The following HSPA12B variants were observed in gnomAD, a reference collection of about 807,000 sequenced individuals.
HSPA12B encodes heat shock protein family A (Hsp70) member 12B, also known as heat shock 70 kDa protein 12B.
HSPA12B carries 54 observed loss-of-function variants against 69.3 expected under a neutral mutation model. The ratio of observed to expected loss-of-function variants is 0.78; its 90% CI spans 0.63 to 0.98. HSPA12B has a LOEUF of 0.98. HSPA12B is among the 50% of genes least tolerant of loss of function. The pLI, the probability that HSPA12B is intolerant of heterozygous loss-of-function variation, is 0.00. For missense variants in HSPA12B, 929 were observed against 999.8 expected, an observed-to-expected ratio of 0.93 and a Z score of 0.96; for synonymous variants, 441 against 436.5, an observed-to-expected ratio of 1.01 and a Z score of -0.13.
Position 3,750,829 on chromosome 20 carries a change from C to G in HSPA12B, c.1327C>G (p.Gln443Glu). ...SSVNFVKWSS[Q>E]GMLRMSCEAM... ...CGTGAACTTCGTGAAGTGGTCCTCACAGGGGATGCTCCGAATGTCTTGTGA... is the reference window on the plus strand; with the variant it reads ...CGTGAACTTCGTGAAGTGGTCCTCAGAGGGGATGCTCCGAATGTCTTGTGA... Residue 443 changes from glutamine (Q) to glutamate (E), a missense_variant, in exon 12 of 13, where the codon CAG (glutamine) becomes GAG (glutamate). Coordinates refer to ENST00000254963, the MANE Select transcript of HSPA12B (RefSeq NM_052970.5). The G allele has an allele frequency of 1.9e-6, 3 of 1,613,982 alleles. No individual in the cohort carries two copies. The highest frequency in any genetic ancestry group is 2.5e-6 in the Non-Finnish European group (3 of 1,180,040).
chr20:3,746,106 A>C (rs1032309459), intron 7 of HSPA12B, 75 bp downstream of exon 7: 13 of 1,044,784 alleles, frequency 1.2e-5, no homozygotes, highest in Non-Finnish European at 1.9e-5. Context: ...CATGCACCCC[A>C]CCACCCTTGA....
chr20:3,746,130 T>C (rs535392723), intron 7 of HSPA12B, 99 bp downstream of exon 7: 4 of 838,790 alleles, frequency 4.8e-6, no homozygotes, highest in African/African-American at 1.7e-5. Flanking sequence ...CACAGAGTCA[T>C]TGTGGAAAGA....
At chr20:3,743,902 C>T (rs1260277364) in intron 4 of HSPA12B, among the ~76,000 whole-genome samples, 1 of 151,778 alleles carries the variant, frequency 6.6e-6, no homozygotes, top group Non-Finnish European at 1.5e-5. Flanking sequence ...AATAATAAAA[C>T]AAGAAATAAA....
rs775653524 is a variant in HSPA12B at position 3,740,807 on chromosome 20, C to A, written c.44-8C>A. On this transcript the variant is annotated splice_region_variant and splice_polypyrimidine_tract_variant and intron_variant, in intron 2 of 12. Transcript: ENST00000254963. This position sits in a 1 kb window ranked among gnomAD's most constrained non-coding sequence, Gnocchi z 4.9. ...GTGCCAGGATGAACTGCCGTCTCTT[C>A]TCTGCAGGCTCCAGCCCGGAGCGGT... The A allele has an allele frequency of 1.2e-6, 2 of 1,612,450 alleles. No individual in the cohort carries two copies. Among genetic ancestry groups the A allele is most frequent in the South Asian group, 2.2e-5 (2 of 90,822 alleles).
chr20:3,732,887 A>C (rs1382890031), intron 1 of HSPA12B, 93 bp downstream of exon 1: 1 of 151,456 alleles, frequency 6.6e-6, no homozygotes, highest in Non-Finnish European at 1.5e-5. Context: ...CCCACCAAAA[A>C]CCTCCAGACT....
chr20:3,745,368 CA>C lies in HSPA12B; in HGVS notation c.454-123del. 1.3e-6 allele frequency: 1 copy of C among 743,718 alleles called. No individual in the cohort carries two copies. Among genetic ancestry groups the C allele is most frequent in the Non-Finnish European group, 2.3e-6 (1 of 425,894 alleles). 46.1% of individuals were successfully genotyped at this position (743,718 alleles called of 1,614,324 possible). A position where few individuals can be genotyped will look rare whatever the true frequency, so the allele number is the denominator to read the frequency against. On this transcript the variant is annotated intron_variant, in intron 5 of 12. Transcript: ENST00000254963. This position sits in a 1 kb window ranked among gnomAD's most constrained non-coding sequence, Gnocchi z 5.6. ...GGGGCAGAGCTAATGTCACATGGGG[CA>C]AGAGTGGGACGGTGGTAAAGAGGAG...
At position 3,742,231 on chromosome 20, in the gene HSPA12B, G is replaced by A; in HGVS notation, c.142-53G>A. 3 of 1,600,440 alleles carry A rather than the reference G, an allele frequency of 1.9e-6. No homozygotes were observed. In the South Asian group the frequency reaches 3.3e-5, roughly 18 times the overall value. ...GCAGAGGAAGCATTGGGGCTGTGGGGGATGGGGGTGTCCCTGCTGGCTGCT... is the reference window on the plus strand; with the variant it reads ...GCAGAGGAAGCATTGGGGCTGTGGGAGATGGGGGTGTCCCTGCTGGCTGCT... On this transcript the variant is annotated intron_variant, in intron 3 of 12. Transcript: ENST00000254963.
At position 3,748,228 on chromosome 20, in the gene HSPA12B, G is replaced by A; in HGVS notation, c.687G>A (p.Val229=). The A allele has an allele frequency of 6.3e-7, 1 of 1,575,578 alleles. No homozygotes were observed. Among genetic ancestry groups the A allele is most frequent in the Non-Finnish European group, 8.6e-7 (1 of 1,158,280 alleles). Reference sequence around the variant, plus strand: ...CCACCCATCCCCAGGCTGGACTAGTGTCCCGAGAGAATGCAGAGCAGCTAC... The same window carrying A: ...CCACCCATCCCCAGGCTGGACTAGTATCCCGAGAGAATGCAGAGCAGCTAC... ...MREAAYLAGL[V]SRENAEQLLI... Residue 229 remains valine (V), a synonymous_variant, in exon 8 of 13, where the codon GTG becomes GTA. Coordinates refer to ENST00000254963, the MANE Select transcript of HSPA12B (RefSeq NM_052970.5).
At chr20:3,747,348 C>T (rs201496462) in intron 7 of HSPA12B, among the ~76,000 whole-genome samples, 9 of 152,282 alleles carry the variant, frequency 5.9e-5, no homozygotes, top group East Asian at 3.9e-4. Flanking sequence ...TAACCCTGAG[C>T]ACAGTGGACA....
At chr20:3,743,349 AT>A (rs1457079603) in intron 4 of HSPA12B, among the ~76,000 whole-genome samples, 3 of 103,026 alleles carry the variant, frequency 2.9e-5, no homozygotes, top group South Asian at 3.5e-4. Flanking sequence ...CACCTGGCTA[AT>A]TTAAAAAAAA....
rs776113401 is a variant in HSPA12B at position 3,751,599 on chromosome 20, G to A, written c.1494G>A (p.Ala498=). 6.6e-7 allele frequency: 1 copy of A among 1,521,864 alleles called. No homozygotes were observed. The highest frequency in any genetic ancestry group is 2.5e-5 in the East Asian group (1 of 40,674). The allele number at this position is 1,521,864 out of a possible 1,614,324, so 94.3% of individuals were successfully genotyped here. The part of the protein sequence containing the change: ...GFAESAVLQH[A]VQAALGARGL... ...CCGAGTCAGCGGTGCTGCAGCACGC[G>A]GTGCAGGCGGCGCTGGGCGCCCGCG... is the stretch of plus-strand genomic sequence containing the variant. Residue 498 remains alanine, a synonymous_variant, in exon 13 of 13, where the codon GCG becomes GCA. Transcript: ENST00000254963.
intron 11 of HSPA12B, 40 bp from the exon 12 acceptor site, chr20:3,750,764 G>A (rs373087017): frequency 6.2e-7 from 1 of 1,613,282 alleles, no homozygotes; most frequent in Admixed American, 1.7e-5. Flanking sequence ...AAGCAGCTGG[G>A]CCCTGACCGA....
Position 3,750,903 on chromosome 20 carries a change from C to T in HSPA12B, c.1401C>T (p.His467=), listed in dbSNP as rs2088407675. 3.1e-6 allele frequency: 5 copies of T among 1,613,840 alleles called. No individual in the cohort carries two copies. The highest frequency in any genetic ancestry group is 2.2e-5 in the East Asian group (1 of 44,884). ...FQPTVSGIIQ[H]IEALLARPEV... The stretch of plus-strand genomic sequence containing the variant: ...CCACCGTCAGCGGGATCATCCAGCA[C>T]ATAGGTGAGCACCTGAGCTTGGTCC... The change falls in exon 12 of 13, where the codon CAC becomes CAT. Residue 467 remains histidine, a synonymous_variant. Coordinates refer to ENST00000254963, the MANE Select transcript of HSPA12B (RefSeq NM_052970.5).
intron 7 of HSPA12B, among the ~76,000 whole-genome samples, chr20:3,747,310 A>G (rs1254611796): frequency 6.6e-6 from 1 of 152,164 alleles, no homozygotes; most frequent in Non-Finnish European, 1.5e-5. Flanking sequence ...CAGGTCTGTA[A>G]ATGTCTACAC....
At chr20:3,734,900 G>A (rs1335176592) in intron 1 of HSPA12B, among the ~76,000 whole-genome samples, 12 of 151,816 alleles carry the variant, frequency 7.9e-5, no homozygotes, top group Admixed American at 7.9e-4. Context: ...CTACCACGCT[G>A]GGCTAATATT....
chr20:3,751,934 G>T lies in HSPA12B; in HGVS notation c.1829G>T (p.Cys610Phe). The change falls in exon 13 of 13, where the codon TGC (cysteine) becomes TTC (phenylalanine). Residue 610 changes from cysteine (C) to phenylalanine (F), a missense_variant. Physicochemically the swap from Cys to Phe is radical, Grantham distance 205. This residue lies in a region of HSPA12B where 448 missense variants were observed against 448.1 expected (regional missense o/e 1.00). Transcript: ENST00000254963. ...GQRRVLINLY[C>F]CAAEDARFIT... ...CGGCGCGTACTCATCAACCTGTACT[G>T]CTGCGCGGCAGAGGATGCGCGCTTC... is the stretch of plus-strand genomic sequence containing the variant. The T allele has an allele frequency of 6.3e-7, 1 of 1,587,934 alleles. No homozygotes were observed.
In HSPA12B at chr20:3,751,921, A is replaced by T; in HGVS notation, c.1816A>T (p.Ile606Phe). The T allele has an allele frequency of 1.9e-6, 3 of 1,586,226 alleles. No individual in the cohort carries two copies. Among genetic ancestry groups the T allele is most frequent in the Non-Finnish European group, 2.6e-6 (3 of 1,171,432 alleles). ...PARPGQRRVL[I>F]NLYCCAAEDA... ...GCGTCCCGGCCAGCGGCGCGTACTC[A>T]TCAACCTGTACTGCTGCGCGGCAGA... The change falls in exon 13 of 13, where the codon ATC becomes TTC. Residue 606 changes from isoleucine to phenylalanine, a missense_variant. Around this residue, in one of 3 missense-constraint regions of HSPA12B, gnomAD observed 448 missense variants for 448.1 expected, o/e 1.00. Transcript: ENST00000254963.
rs1487134844 is a variant in HSPA12B, at chr20:3,751,761, G to A, written c.1656G>A (p.Val552=). The change falls in exon 13 of 13, where the codon GTG becomes GTA. Residue 552 remains valine, a synonymous_variant. Transcript: ENST00000254963. ...GCGTGGGCGTGCTCAACCGCTTTGT[G>A]CCTGGGCGCCACCCGCCCGAAAAGC... The part of the protein sequence containing the change: ...TYGVGVLNRF[V]PGRHPPEKLL... 14 of 1,525,300 alleles carry A rather than the reference G, an allele frequency of 9.2e-6. No homozygotes were observed. Among genetic ancestry groups the A allele is most frequent in the Non-Finnish European group, 1.2e-5 (14 of 1,142,104 alleles). The allele number at this position is 1,525,300 out of a possible 1,614,324, so 94.5% of individuals were successfully genotyped here. A position where few individuals can be genotyped will look rare whatever the true frequency, so the allele number is the denominator to read the frequency against.
chr20:3,745,392 G>T lies in HSPA12B; in HGVS notation c.454-101G>T, dbSNP rs180687707. The T allele has an allele frequency of 5.5e-5, 47 of 857,762 alleles. 1 individual carries two copies. The African/African-American group carries it at 6.1e-4, about 11-fold the overall frequency. 53.1% of individuals were successfully genotyped at this position (857,762 alleles called of 1,614,324 possible). ...GCAAGAGTGGGACGGTGGTAAAGAG[G>T]AGGGGAAGCTCCAGGAAACGGGGTG... On this transcript the variant is annotated intron_variant, in intron 5 of 12. Transcript: ENST00000254963. This position sits in a 1 kb window ranked among gnomAD's most constrained non-coding sequence, Gnocchi z 5.6.
Sources: allele counts gnomAD v4.1 joint callset (sites outside exome capture counted in the v4.1 genomes callset), GRCh38; gene constraint gnomAD v4.1.1; regional missense constraint gnomAD v4.1.1; non-coding constraint Gnocchi (gnomAD v3.1); transcripts MANE v1.5; gene names NCBI Gene and HGNC (gene_info 2026-07-23, HGNC 2026-07-21).